INPP4B: variants seen among roughly 807,000 people sequenced by gnomAD.
INPP4B encodes the protein inositol polyphosphate 4-phosphatase type II.
A neutral mutation model predicts 122.5 loss-of-function variants in INPP4B; 55 were observed. The observed-to-expected ratio is 0.45, with a 90% CI of 0.36 to 0.56. INPP4B has a LOEUF of 0.56. Among genes scored for constraint, INPP4B ranks in the 20% least tolerant of loss-of-function variants. INPP4B has a pLI of 0.00. For synonymous variants in INPP4B, 403 were observed against 388.7 expected (o/e 1.04, Z -0.43); for missense variants, 1,000 against 1,097.7 (o/e 0.91, Z 1.26).
intron 23 of INPP4B, among the ~76,000 whole-genome samples, chr4:142,104,856 C>A (rs1786196543): frequency 6.6e-6 from 1 of 152,108 alleles, no homozygotes; most frequent in Non-Finnish European, 1.5e-5. Context: ...ATGTAAATAG[C>A]TGTTATACTA....
chr4:142,398,376 T>TAAAAAAA (rs1183246808), intron 7 of INPP4B, among the ~76,000 whole-genome samples: 20 of 8,802 alleles, frequency 2.3e-3, no homozygotes, highest in Non-Finnish European at 3.0e-3. Context: ...AGACTCTGTC[T>TAAAAAAA]AAAAAAAAAA....
intron 11 of INPP4B, among the ~76,000 whole-genome samples, chr4:142,260,249 G>T (rs1387220908): frequency 6.6e-6 from 1 of 152,130 alleles, no homozygotes; most frequent in Non-Finnish European, 1.5e-5. Context: ...CTCCCAAAGT[G>T]CTGGGATTAC....
Position 142,298,217 on chromosome 4 carries a change from AAAG to A in INPP4B, c.503+7238_503+7240del, listed in dbSNP as rs1378406483. Among the ~76,000 whole-genome samples, 3 of 152,356 alleles carry A rather than the reference AAAG, an allele frequency of 2.0e-5. No homozygotes were observed. The East Asian group carries it at 5.8e-4, about 29-fold the overall frequency. On this transcript the variant is annotated intron_variant, in intron 9 of 25. Transcript: ENST00000262992. ...TGAGCCTTGTTCTACTTAACTCCAC[AAAG>A]AAGAGTTGGGACTGTGGTAAAGAGA...
At chr4:142,070,321 T>C (rs1230208697) in intron 25 of INPP4B, among the ~76,000 whole-genome samples, 1 of 152,188 alleles carries the variant, frequency 6.6e-6, no homozygotes, top group African/African-American at 2.4e-5. Context: ...AAACTAGGTA[T>C]TGATGGGACA....
intron 3 of INPP4B, among the ~76,000 whole-genome samples, chr4:142,445,933 A>C (rs1812822191): frequency 6.6e-6 from 1 of 152,182 alleles, no homozygotes; most frequent in African/African-American, 2.4e-5. Flanking sequence ...CTTTCAAGTA[A>C]TTGATAAAGC....
intron 7 of INPP4B, among the ~76,000 whole-genome samples, chr4:142,383,243 T>TA (rs966003170): frequency 3.3e-5 from 5 of 152,120 alleles, no homozygotes; most frequent in African/African-American, 7.2e-5. Flanking sequence ...TTATAGCTGT[T>TA]AAAAAAACAT....
chr4:142,733,919 G>A (rs1766448560), intron 1 of INPP4B, among the ~76,000 whole-genome samples: 1 of 152,150 alleles, frequency 6.6e-6, no homozygotes, highest in Admixed American at 6.5e-5. Context: ...TAATGAGACT[G>A]AAGAAACCCT....
intron 1 of INPP4B, among the ~76,000 whole-genome samples, chr4:142,736,270 T>A (rs1766873021): frequency 6.6e-6 from 1 of 152,202 alleles, no homozygotes; most frequent in African/African-American, 2.4e-5. Context: ...GCTTTCTTAA[T>A]TCTTCCTTCA....
At chr4:142,388,394 T>A (rs1278937146) in intron 7 of INPP4B, among the ~76,000 whole-genome samples, 1 of 152,106 alleles carries the variant, frequency 6.6e-6, no homozygotes, top group African/African-American at 2.4e-5. Context: ...GTTTTTTTTT[T>A]TCCTTCTCAG....
chr4:142,096,955 T>C (rs1258298797), intron 23 of INPP4B, among the ~76,000 whole-genome samples: 3 of 152,046 alleles, frequency 2.0e-5, no homozygotes, highest in Non-Finnish European at 2.9e-5. Flanking sequence ...AAGTCCCTCA[T>C]AGCAAATGAT....
intron 17 of INPP4B, among the ~76,000 whole-genome samples, chr4:142,146,658 C>T (rs906642676): frequency 1.4e-4 from 21 of 152,156 alleles, no homozygotes; most frequent in African/African-American, 5.1e-4. Context: ...TCTAACAGAA[C>T]AGCCCAGAAA....
intron 7 of INPP4B, among the ~76,000 whole-genome samples, chr4:142,362,133 G>A (rs1261678854): frequency 6.6e-6 from 1 of 152,002 alleles, no homozygotes. Context: ...GAGAATTAAT[G>A]TCTAAGTTGA....
At chr4:142,461,945 A>G (rs569476502) in intron 3 of INPP4B, among the ~76,000 whole-genome samples, 32 of 152,220 alleles carry the variant, frequency 2.1e-4, no homozygotes, top group African/African-American at 7.5e-4. Context: ...GCTTCTTACA[A>G]TGGATATTAA....
At chr4:142,160,023 G>A (rs975148836) in intron 17 of INPP4B, among the ~76,000 whole-genome samples, 1 of 151,956 alleles carries the variant, frequency 6.6e-6, no homozygotes, top group Non-Finnish European at 1.5e-5. Context: ...GTAGTAACAT[G>A]GAGGGTTTTT....
At chr4:142,123,226 A>T in intron 20 of INPP4B, 66 bp downstream of exon 20, 1 of 1,340,226 alleles carries the variant, frequency 7.5e-7, no homozygotes, top group Non-Finnish European at 1.0e-6. Flanking sequence ...TTTCTTGAAA[A>T]ATTTCTGGAT....
chr4:142,550,605 C>CACACATAT (rs372706613), intron 2 of INPP4B, among the ~76,000 whole-genome samples: 3 of 8,888 alleles, frequency 3.4e-4, no homozygotes, highest in Admixed American at 8.4e-4. Flanking sequence ...CACACACACA[C>CACACATAT]ATATATATAT....
chr4:142,444,888 CCAT>C (rs1812575449), intron 3 of INPP4B, among the ~76,000 whole-genome samples: 1 of 152,086 alleles, frequency 6.6e-6, no homozygotes, highest in African/African-American at 2.4e-5. Flanking sequence ...AAGCTGGAAA[CCAT>C]CATTCTCAGC....
intron 7 of INPP4B, among the ~76,000 whole-genome samples, chr4:142,360,144 G>A (rs1442943356): frequency 6.6e-6 from 1 of 151,832 alleles, no homozygotes; most frequent in African/African-American, 2.4e-5. Flanking sequence ...TAGACCCTGA[G>A]ATCAGAATTC....
chr4:142,044,955 G>T (rs1172531192), intron 25 of INPP4B, among the ~76,000 whole-genome samples: 3 of 152,086 alleles, frequency 2.0e-5, no homozygotes, highest in Non-Finnish European at 2.9e-5. Context: ...AACCCAGTTA[G>T]AAAATTCACT....
Sources: allele counts gnomAD v4.1 joint callset (sites outside exome capture counted in the v4.1 genomes callset), GRCh38; gene constraint gnomAD v4.1.1; transcripts MANE v1.5; gene names NCBI Gene and HGNC (gene_info 2026-07-23, HGNC 2026-07-21).